The following GCSAML variants were observed in gnomAD, a reference collection of about 807,000 sequenced individuals.
GCSAML encodes the protein germinal center associated signaling and motility like.
In GCSAML, 9 loss-of-function variants were observed where a neutral mutation model predicts 13.0. The ratio of observed to expected loss-of-function variants is 0.69; its 90% CI spans 0.42 to 1.21. GCSAML has a LOEUF of 1.21. Ranked by LOEUF, GCSAML falls within the 50% of genes most tolerant of loss-of-function variation. GCSAML has a pLI of 0.00. For synonymous variants in GCSAML, 37 were observed against 52.9 expected, an observed-to-expected ratio of 0.70 and a Z score of 1.31; for missense variants, 143 against 153.4, an observed-to-expected ratio of 0.93 and a Z score of 0.36.
In GCSAML at chr1:247,564,339, G is replaced by C. The variant is rs1572367603; in HGVS notation, c.139+700G>C. ...GAAGTAGAAGGATTCCTTGAGGCCA[G>C]AAATTAAGAGTCCAGCCTGAGCAAT... is the stretch of plus-strand genomic sequence containing the variant. On this transcript the variant is annotated intron_variant, in intron 3 of 4. Coordinates refer to ENST00000366488, the MANE Select transcript of GCSAML (RefSeq NM_145278.5). Among the ~76,000 whole-genome samples, 6 of 140,300 alleles carry C rather than the reference G, an allele frequency of 4.3e-5. No individual in the cohort carries two copies. In the South Asian group the frequency reaches 1.3e-3, roughly 32 times the overall value. 92.0% of individuals were successfully genotyped at this position (140,300 alleles called of 152,430 possible).
intron 4 of GCSAML, among the ~76,000 whole-genome samples, chr1:247,572,804 C>T (rs1308311043): frequency 2.0e-5 from 3 of 152,154 alleles, no homozygotes; most frequent in African/African-American, 7.2e-5. Context: ...GAAGCTGCAC[C>T]CACAGCCTTT....
chr1:247,558,737 C>T (rs1452321593), intron 2 of GCSAML, among the ~76,000 whole-genome samples: 1 of 152,150 alleles, frequency 6.6e-6, no homozygotes, highest in African/African-American at 2.4e-5. Flanking sequence ...TATATGAATA[C>T]AAACTTTCCC....
At chr1:247,523,713 A>G (rs1253465765) in intron 1 of GCSAML, among the ~76,000 whole-genome samples, 2 of 152,372 alleles carry the variant, frequency 1.3e-5, no homozygotes, top group South Asian at 2.1e-4. Flanking sequence ...CATAGTGACA[A>G]CCATGAAAAG....
At chr1:247,514,844 A>G (rs111291281) in intron 1 of GCSAML, among the ~76,000 whole-genome samples, 1,772 of 152,242 alleles carry the variant, frequency 0.012, 23 homozygotes, top group African/African-American at 0.04. Flanking sequence ...TACCAGTATC[A>G]TGCTGTTTTG....
intron 1 of GCSAML, among the ~76,000 whole-genome samples, chr1:247,512,944 T>C (rs894815646): frequency 1.3e-5 from 2 of 152,098 alleles, no homozygotes; most frequent in African/African-American, 4.8e-5. Context: ...GAGGTGTCTG[T>C]CAAACCCTGC....
chr1:247,529,865 A>G (rs978464968), intron 2 of GCSAML: 1 of 152,142 alleles, frequency 6.6e-6, no homozygotes, highest in Non-Finnish European at 1.5e-5. Flanking sequence ...GCTTCCAAAA[A>G]GAGGGAATTT....
At chr1:247,515,564 G>C (rs1416323678) in intron 1 of GCSAML, among the ~76,000 whole-genome samples, 1 of 152,168 alleles carries the variant, frequency 6.6e-6, no homozygotes, top group Non-Finnish European at 1.5e-5. Context: ...AATTTATGAA[G>C]AAAAGAGGTT....
chr1:247,507,704 G>C (rs918340755), intron 1 of GCSAML, among the ~76,000 whole-genome samples: 2 of 151,582 alleles, frequency 1.3e-5, no homozygotes, highest in African/African-American at 2.4e-5. Context: ...CCTGGTGTGT[G>C]ATGTTCCCCT....
intron 2 of GCSAML, among the ~76,000 whole-genome samples, chr1:247,542,111 T>C (rs1667436235): frequency 6.6e-6 from 1 of 151,946 alleles, no homozygotes; most frequent in African/African-American, 2.4e-5. Flanking sequence ...TAATTTATTT[T>C]AGAAAAAATG....
At chr1:247,537,454 C>G (rs1376067118) in intron 2 of GCSAML, among the ~76,000 whole-genome samples, 1 of 152,196 alleles carries the variant, frequency 6.6e-6, no homozygotes, top group Non-Finnish European at 1.5e-5. Flanking sequence ...TATGAACATT[C>G]ACATACAAGT....
chr1:247,531,939 C>T (rs779793689), intron 2 of GCSAML: 6 of 1,614,106 alleles, frequency 3.7e-6, no homozygotes, highest in Non-Finnish European at 5.1e-6. Context: ...GGCTGGTATC[C>T]ACACAAGCCA....
intron 2 of GCSAML, among the ~76,000 whole-genome samples, chr1:247,561,607 C>T (rs1412166793): frequency 3.3e-5 from 5 of 151,974 alleles, no homozygotes; most frequent in Non-Finnish European, 2.9e-5. Context: ...TAATTGTTTT[C>T]CTGGTTTAGG....
At chr1:247,555,200 T>C (rs1667908618) in intron 1 of GCSAML, among the ~76,000 whole-genome samples, 1 of 152,194 alleles carries the variant, frequency 6.6e-6, no homozygotes, top group Non-Finnish European at 1.5e-5. Context: ...CCTTTAGATG[T>C]GTAAGTCAAT....
intron 1 of GCSAML, among the ~76,000 whole-genome samples, chr1:247,518,963 T>C (rs1666320873): frequency 6.6e-6 from 1 of 151,988 alleles, no homozygotes; most frequent in African/African-American, 2.4e-5. Flanking sequence ...CACTCCAGCC[T>C]GGGCAACTGA....
At chr1:247,539,817 A>G (rs1667347362) in intron 2 of GCSAML, among the ~76,000 whole-genome samples, 1 of 152,152 alleles carries the variant, frequency 6.6e-6, no homozygotes, top group Non-Finnish European at 1.5e-5. Context: ...TAAAATCACA[A>G]CGATTTTACT....
At chr1:247,567,108 G>T (rs73150482) in intron 4 of GCSAML, among the ~76,000 whole-genome samples, 2 of 150,198 alleles carry the variant, frequency 1.3e-5, no homozygotes, top group African/African-American at 2.4e-5. Context: ...CTTGGAGCAA[G>T]GGCTTTTTTT....
At chr1:247,552,696 A>G (rs6426257) in intron 1 of GCSAML, among the ~76,000 whole-genome samples, 127,299 of 152,228 alleles carry the variant, frequency 0.84, 53,481 homozygotes, top group African/African-American at 0.93. Flanking sequence ...ATTTGGATTC[A>G]GACAACATTG....
At chr1:247,570,053 T>C (rs1376674517) in intron 4 of GCSAML, among the ~76,000 whole-genome samples, 2 of 152,184 alleles carry the variant, frequency 1.3e-5, no homozygotes, top group Admixed American at 6.5e-5. Context: ...AGTGGTAGTC[T>C]CCCCTCTATT....
Position 247,576,718 on chromosome 1 carries a change from G to A in GCSAML, c.*2336G>A, listed in dbSNP as rs1429314650. ...ATTCAACGAATTCTTATGCCCTCTT[G>A]TGGTGATTTTAATGTGCGGAAGGGA... is the stretch of plus-strand genomic sequence containing the variant. On this transcript the variant is annotated 3_prime_UTR_variant, in exon 5 of 5. Transcript: ENST00000366488. 6.6e-6 allele frequency: 1 copy of A among 152,112 alleles called. No homozygotes were observed. The highest frequency in any genetic ancestry group is 1.5e-5 in the Non-Finnish European group (1 of 68,028). The allele number at this position is 152,112 out of a possible 1,614,324, so 9.4% of individuals were successfully genotyped here.
Sources: gnomAD v4.1 joint callset for allele counts (sites outside exome capture counted in the v4.1 genomes callset) on GRCh38, gnomAD v4.1.1 for gene constraint, MANE v1.5 for transcripts, NCBI Gene and HGNC (gene_info 2026-07-23, HGNC 2026-07-21) for gene names.